Variants in FYB1 observed in about 807,000 individuals in gnomAD.
FYB1 encodes FYN-binding protein 1.
Under a neutral mutation model 94.1 loss-of-function variants are expected in FYB1, and 41 were observed. That is an observed-to-expected ratio of 0.44 (90% confidence interval 0.34 to 0.57). FYB1 has a LOEUF of 0.57. Among genes scored for constraint, FYB1 ranks in the 20% least tolerant of loss-of-function variants. The pLI, the probability that FYB1 is intolerant of heterozygous loss-of-function variation, is 0.02. For synonymous variants in FYB1, 367 were observed against 353.2 expected, an observed-to-expected ratio of 1.04 and a Z score of -0.44; for missense variants, 1,050 against 976.8, an observed-to-expected ratio of 1.07 and a Z score of -1.00.
intron 1 of FYB1, among the ~76,000 whole-genome samples, chr5:39,207,962 C>T (rs1044577507): frequency 1.3e-5 from 2 of 152,134 alleles, no homozygotes; most frequent in African/African-American, 4.8e-5. Flanking sequence ...GATTGAGAAA[C>T]CCTGAGCTAA....
At chr5:39,231,823 C>A (rs1394148150) in intron 1 of FYB1, among the ~76,000 whole-genome samples, 5 of 152,036 alleles carry the variant, frequency 3.3e-5, no homozygotes, top group Non-Finnish European at 2.9e-5. Context: ...CTCAGCTGCA[C>A]CCTGTCTAGT....
At chr5:39,136,548 T>C (rs1415131161) in intron 7 of FYB1, among the ~76,000 whole-genome samples, 1 of 152,236 alleles carries the variant, frequency 6.6e-6, no homozygotes, top group Non-Finnish European at 1.5e-5. Flanking sequence ...CAGTGTATGC[T>C]CTGCATTATT....
chr5:39,273,021 G>A (rs1383746162), intron 1 of FYB1, among the ~76,000 whole-genome samples: 1 of 152,208 alleles, frequency 6.6e-6, no homozygotes, highest in Non-Finnish European at 1.5e-5. Flanking sequence ...CAGGAGGGAG[G>A]TGGGGGGCGC....
chr5:39,147,312 C>CA (rs1424861421), intron 3 of FYB1, among the ~76,000 whole-genome samples: 1 of 151,878 alleles, frequency 6.6e-6, no homozygotes, highest in Non-Finnish European at 1.5e-5. Context: ...CTCTGTCCCC[C>CA]AGGCTGGAGT....
chr5:39,193,993 C>T (rs1322324744), intron 2 of FYB1, among the ~76,000 whole-genome samples: 3 of 152,162 alleles, frequency 2.0e-5, no homozygotes, highest in East Asian at 1.9e-4. Flanking sequence ...ACTAGTGTGA[C>T]CCCTATTCAT....
intron 16 of FYB1, 82 bp from the exon 17 acceptor site, chr5:39,110,471 A>G (rs2150255184): frequency 1.2e-6 from 1 of 860,462 alleles, no homozygotes; most frequent in South Asian, 1.6e-5. Context: ...ATCAAAACAC[A>G]AGAGAGTAAT....
chr5:39,218,571 C>T (rs73072520), intron 1 of FYB1, among the ~76,000 whole-genome samples: 1,992 of 152,110 alleles, frequency 0.013, 35 homozygotes, highest in African/African-American at 0.043. Flanking sequence ...TACATTAGTA[C>T]TCAAAAAGTG....
At chr5:39,140,011 G>A (rs1045144039) in intron 4 of FYB1, 3 of 151,884 alleles carry the variant, frequency 2.0e-5, no homozygotes, top group Non-Finnish European at 2.9e-5. Flanking sequence ...AAAGGGGACT[G>A]CAAAGAGATC....
At chr5:39,205,123 C>T (rs182944943) in intron 1 of FYB1, among the ~76,000 whole-genome samples, 14 of 152,234 alleles carry the variant, frequency 9.2e-5, no homozygotes, top group Non-Finnish European at 1.5e-5. Context: ...GTACCAAGAA[C>T]AAAAATTTGC....
rs12520149 is a variant in FYB1 at position 39,126,034 on chromosome 5, G to A, written c.2009C>T (p.Pro670Leu). Residue 670 changes from proline (P) to leucine (L), a missense_variant, in exon 12 of 19, where the codon CCT becomes CTT. By Grantham distance (98) the Pro-to-Leu change is moderately conservative. Transcript: ENST00000512982. The part of the protein sequence containing the change: ...DDRKKSIREK[P>L]KVSDSDNNEG... ...ATTATTGTCTGAGTCAGAGACTTTA[G>A]GTTTCTCTCGTATACTTTTCTTTCT... 6.2e-7 allele frequency: 1 copy of A among 1,613,424 alleles called. No homozygotes were observed. The highest frequency in any genetic ancestry group is 8.5e-7 in the Non-Finnish European group (1 of 1,179,638).
intron 14 of FYB1, 140 bp from the exon 15 acceptor site, chr5:39,119,774 C>A: frequency 9.3e-7 from 1 of 1,074,130 alleles, no homozygotes; most frequent in Non-Finnish European, 1.2e-6. Context: ...CAGTAACTGT[C>A]ATTGTAATAA....
At chr5:39,229,087 C>T (rs895234721) in intron 1 of FYB1, among the ~76,000 whole-genome samples, 4 of 152,100 alleles carry the variant, frequency 2.6e-5, no homozygotes, top group Non-Finnish European at 5.9e-5. Flanking sequence ...TGTCCTGATT[C>T]AATGTCCTCC....
intron 2 of FYB1, chr5:39,170,184 A>T (rs1745118539): frequency 1.3e-6 from 1 of 792,584 alleles, no homozygotes; most frequent in African/African-American, 1.7e-5. Context: ...CTGTATTTGA[A>T]CTTCTGTGAA....
At chr5:39,144,146 G>A (rs1242138217) in intron 3 of FYB1, among the ~76,000 whole-genome samples, 2 of 152,166 alleles carry the variant, frequency 1.3e-5, no homozygotes, top group Non-Finnish European at 2.9e-5. Context: ...AGTTAGACTT[G>A]TCACATCAAT....
In FYB1 at chr5:39,107,432, A is replaced by C. The variant is rs201460333; in HGVS notation, c.*11T>G. 4.1e-5 allele frequency: 62 copies of C among 1,529,928 alleles called. 1 individual carries two copies. The East Asian group carries it at 1.5e-3, about 38-fold the overall frequency. 94.8% of individuals were successfully genotyped at this position (1,529,928 alleles called of 1,614,324 possible). A position where few individuals can be genotyped will look rare whatever the true frequency, so the allele number is the denominator to read the frequency against. On this transcript the variant is annotated 3_prime_UTR_variant, in exon 19 of 19. Coordinates refer to ENST00000512982, the MANE Select transcript of FYB1 (RefSeq NM_001465.6). Reference sequence around the variant, plus strand: ...ACCTAATGAACACAGCAGAATGACCAAAGTTGAGTGCTAGTCATTGTCATA... The same window carrying C: ...ACCTAATGAACACAGCAGAATGACCCAAGTTGAGTGCTAGTCATTGTCATA...
At chr5:39,110,083 T>C (rs1389093364) in intron 17 of FYB1, among the ~76,000 whole-genome samples, 1 of 152,168 alleles carries the variant, frequency 6.6e-6, no homozygotes, top group East Asian at 1.9e-4. Context: ...CTTCAGTGTT[T>C]GCTGAGAGCC....
chr5:39,111,227 T>A (rs1739045542), intron 16 of FYB1, among the ~76,000 whole-genome samples: 1 of 151,978 alleles, frequency 6.6e-6, no homozygotes, highest in African/African-American at 2.4e-5. Context: ...TTTGGAATTG[T>A]TAGTTTTGTG....
chr5:39,213,033 A>C (rs1233575577), intron 1 of FYB1: 2 of 152,064 alleles, frequency 1.3e-5, no homozygotes, highest in East Asian at 1.9e-4. Flanking sequence ...AAAAAAAAAA[A>C]AAACCCAACT....
chr5:39,259,111 A>C (rs1355119690), intron 1 of FYB1, among the ~76,000 whole-genome samples: 1 of 152,204 alleles, frequency 6.6e-6, no homozygotes, highest in Non-Finnish European at 1.5e-5. Flanking sequence ...ACATCTGAAA[A>C]TGCTTTGAGT....
Sources: gnomAD v4.1 joint callset for allele counts (sites outside exome capture counted in the v4.1 genomes callset) on GRCh38, gnomAD v4.1.1 for gene constraint, MANE v1.5 for transcripts, NCBI Gene and HGNC (gene_info 2026-07-23, HGNC 2026-07-21) for gene names.